PFKM: variants seen among roughly 807,000 people sequenced by gnomAD.
The protein encoded by PFKM is ATP-dependent 6-phosphofructokinase, muscle type.
Under a neutral mutation model 95.5 loss-of-function variants are expected in PFKM, and 58 were observed. The observed-to-expected ratio is 0.61, with a 90% CI of 0.49 to 0.76. The LOEUF (loss-of-function observed/expected upper bound fraction) is 0.76, where lower values mean the gene tolerates loss of function less well. PFKM is among the 30% of genes least tolerant of loss of function. The pLI is 0.00. For missense variants in PFKM, 678 were observed against 1,005.4 expected (o/e 0.67, Z 4.40); for synonymous variants, 336 against 357.2 (o/e 0.94, Z 0.67).
Position 48,141,383 on chromosome 12 carries a change from T to A in PFKM, c.1412+2T>A, listed in dbSNP as rs113097435. 6.2e-7 allele frequency: 1 copy of A among 1,613,184 alleles called. No homozygotes were observed. The highest frequency in any genetic ancestry group is 1.1e-5 in the South Asian group (1 of 91,062). On this transcript the variant is annotated splice_donor_variant, in intron 15 of 22. Coordinates refer to ENST00000359794, the MANE Select transcript of PFKM (RefSeq NM_000289.6). LOFTEE classifies it high-confidence loss of function. The stretch of plus-strand genomic sequence containing the variant: ...TGGCTCTAAACTTGGGACTAAAAGG[T>A]AAGTAGCACTGCAGAGGCACCTCCT...
At chr12:48,120,898 T>C (rs1009700904) in intron 1 of PFKM, among the ~76,000 whole-genome samples, 1 of 152,216 alleles carries the variant, frequency 6.6e-6, no homozygotes, top group African/African-American at 2.4e-5. Flanking sequence ...ATGCCTGTTA[T>C]CCCAGCACTT....
intron 14 of PFKM, 120 bp from the exon 15 acceptor site, chr12:48,141,191 G>A: frequency 3.2e-6 from 3 of 933,258 alleles, no homozygotes; most frequent in East Asian, 2.4e-5. Context: ...AATACCTGGT[G>A]TACCTTTTCC....
At chr12:48,142,257 G>A in intron 17 of PFKM, 191 bp downstream of exon 17, 1 of 649,136 alleles carries the variant, frequency 1.5e-6, no homozygotes, top group Non-Finnish European at 2.8e-6. Flanking sequence ...CAGATCACTT[G>A]GGGTCAGGAG....
upstream of PFKM, among the ~76,000 whole-genome samples, chr12:48,117,869 A>C (rs1947811330): frequency 6.6e-6 from 1 of 152,218 alleles, no homozygotes; most frequent in Admixed American, 6.5e-5. Context: ...TAAGATGTAC[A>C]TTCATTTAGT....
chr12:48,129,430 A>T (rs1592705668), intron 2 of PFKM, among the ~76,000 whole-genome samples: 1 of 151,584 alleles, frequency 6.6e-6, no homozygotes, highest in South Asian at 2.1e-4. Context: ...TGAGTTCCCC[A>T]TAAACATCTT....
chr12:48,133,215 A>G, intron 5 of PFKM, 100 bp from the exon 6 acceptor site: 1 of 1,314,538 alleles, frequency 7.6e-7, no homozygotes, highest in East Asian at 2.3e-5. Context: ...GGTATTGTCT[A>G]CAATTCCTTT....
At chr12:48,125,543 C>T in intron 2 of PFKM, 1 of 276,402 alleles carries the variant, frequency 3.6e-6, no homozygotes, top group South Asian at 2.9e-5. Context: ...ATCGCTTGAA[C>T]CCGGGAGGCA....
At position 48,142,727 on chromosome 12, in the gene PFKM, A is replaced by G. The variant is rs981628222; in HGVS notation, c.1654-55A>G. Reference sequence around the variant, plus strand: ...AATTAATGGCAAAGATTAAAGAGTGATAAGAATCAGGCCCCTGATCATGTC... The same window carrying G: ...AATTAATGGCAAAGATTAAAGAGTGGTAAGAATCAGGCCCCTGATCATGTC... On this transcript the variant is annotated intron_variant, in intron 17 of 22. Coordinates refer to ENST00000359794, the MANE Select transcript of PFKM (RefSeq NM_000289.6). The G allele has an allele frequency of 1.3e-6, 2 of 1,491,276 alleles. 1 individual carries two copies. Among genetic ancestry groups the G allele is most frequent in the South Asian group, 2.3e-5 (2 of 88,634 alleles). 92.4% of individuals were successfully genotyped at this position (1,491,276 alleles called of 1,614,324 possible). A position where few individuals can be genotyped will look rare whatever the true frequency, so the allele number is the denominator to read the frequency against.
chr12:48,122,487 A>C, intron 1 of PFKM: 2 of 892,598 alleles, frequency 2.2e-6, no homozygotes, highest in Non-Finnish European at 1.5e-6. Context: ...CCCTGACCTT[A>C]GTTTATTCCC....
chr12:48,107,591 T>C (rs969918505), intron 2 of PFKM: 1 of 658,452 alleles, frequency 1.5e-6, no homozygotes, highest in Non-Finnish European at 2.7e-6. Flanking sequence ...ACATTCTCAC[T>C]TTGATAAAAT....
At position 48,122,840 on chromosome 12, in the gene PFKM, C is replaced by G. The variant is rs995717911; in HGVS notation, c.66C>G (p.Thr22=). The change falls in exon 2 of 23, where the codon ACC becomes ACG. Residue 22 remains threonine, a synonymous_variant. Coordinates refer to ENST00000359794, the MANE Select transcript of PFKM (RefSeq NM_000289.6). ...TTGGCAAAGCCATTGCTGTCTTAAC[C>G]TCTGGTGGAGATGCCCAAGGTAAGG... ...LGIGKAIAVL[T]SGGDAQGMNA... The G allele has an allele frequency of 2.5e-6, 4 of 1,613,972 alleles. No homozygotes were observed. The highest frequency in any genetic ancestry group is 2.5e-6 in the Non-Finnish European group (3 of 1,179,954).
At chr12:48,135,574 T>TGA (rs1950001682) in intron 10 of PFKM, among the ~76,000 whole-genome samples, 191 bp downstream of exon 10, 1 of 152,212 alleles carries the variant, frequency 6.6e-6, no homozygotes, top group Non-Finnish European at 1.5e-5. Context: ...ACAAAAATGG[T>TGA]GAGAGACTAC....
intron 15 of PFKM, 124 bp downstream of exon 15, chr12:48,141,505 C>T (rs1950572436): frequency 2.3e-6 from 2 of 874,718 alleles, no homozygotes; most frequent in East Asian, 2.5e-5. Flanking sequence ...CTCAACCTCA[C>T]AGTTGCTGCC....
rs577969906 is a variant in PFKM, at chr12:48,136,402, C to T, written c.936+1019C>T. ...GCAGAGCAGTACTCCATGGAGTGGA[C>T]GTATTACAGCTTGTTTAATCATTCA... On this transcript the variant is annotated intron_variant, in intron 10 of 22. Transcript: ENST00000359794. Among the ~76,000 whole-genome samples the T allele has an allele frequency of 4.6e-5, 7 of 152,144 alleles. No homozygotes were observed. In the South Asian group the frequency reaches 1.5e-3, roughly 32 times the overall value.
intron 2 of PFKM, among the ~76,000 whole-genome samples, chr12:48,129,913 A>C (rs1174726230): frequency 1.3e-5 from 2 of 152,246 alleles, no homozygotes; most frequent in African/African-American, 2.4e-5. Context: ...TTCTAAAAGT[A>C]CTAGCTTTGT....
chr12:48,106,385 G>A lies in PFKM; in HGVS notation c.-10+248G>A, dbSNP rs182767535. Reference sequence around the variant, plus strand: ...TACCCGCCGCCTTCTGGTTCCGCCCGGCGAGTTTTGCTTGCTTGCGTTCCA... The same window carrying A: ...TACCCGCCGCCTTCTGGTTCCGCCCAGCGAGTTTTGCTTGCTTGCGTTCCA... On this transcript the variant is annotated intron_variant, in intron 1 of 24. Coordinates refer to the PFKM transcript ENST00000340802. 2.1e-4 allele frequency: 98 copies of A among 468,504 alleles called. 2 individuals are homozygous for A. In the South Asian group the frequency reaches 2.7e-3, roughly 13 times the overall value. 29.0% of individuals were successfully genotyped at this position (468,504 alleles called of 1,614,324 possible).
chr12:48,107,351 GTC>G, intron 1 of PFKM: 5 of 1,530,360 alleles, frequency 3.3e-6, no homozygotes, highest in Middle Eastern at 1.7e-4. Flanking sequence ...ATTAAACTCT[GTC>G]TCTATTTCTA....
chr12:48,132,331 A>C, intron 4 of PFKM: 1 of 292,876 alleles, frequency 3.4e-6, no homozygotes, highest in Non-Finnish European at 6.6e-6. Flanking sequence ...GAATACCTGG[A>C]TATTGCAGCT....
intron 20 of PFKM, 150 bp downstream of exon 20, chr12:48,144,307 C>T: frequency 1.4e-6 from 1 of 705,182 alleles, no homozygotes; most frequent in Non-Finnish European, 2.6e-6. Context: ...CCTGCAGTCT[C>T]TTACAGTCAT....
Sources: allele counts gnomAD v4.1 joint callset (sites outside exome capture counted in the v4.1 genomes callset), GRCh38; gene constraint gnomAD v4.1.1; transcripts MANE v1.5; gene names NCBI Gene and HGNC (gene_info 2026-07-23, HGNC 2026-07-21).